KLF9: variants seen among roughly 807,000 people sequenced by gnomAD.
The protein encoded by KLF9 is Krueppel-like factor 9.
KLF9 carries 2 observed loss-of-function variants against 17.3 expected under a neutral mutation model. The observed-to-expected ratio is 0.12, with a 90% confidence interval of 0.05 to 0.36. The LOEUF is 0.36. KLF9 is among the 10% of genes least tolerant of loss of function. The pLI is 1.00. For synonymous variants in KLF9, 138 were observed against 139.2 expected (o/e 0.99, Z 0.06); for missense variants, 226 against 333.2 (o/e 0.68, Z 2.51).
In KLF9 at chr9:70,385,362, T is replaced by C. The variant is rs1469651385; in HGVS notation, c.*2414A>G. The C allele has an allele frequency of 6.6e-6, 1 of 152,662 alleles. No individual in the cohort carries two copies. Among genetic ancestry groups the C allele is most frequent in the Non-Finnish European group, 1.5e-5 (1 of 68,044 alleles). 9.5% of individuals were successfully genotyped at this position (152,662 alleles called of 1,614,324 possible). The stretch of plus-strand genomic sequence containing the variant: ...CTTGAGTTTATACGTTACATTACTA[T>C]AACATATAAGAGAATATCAAATGTG... On this transcript the variant is annotated 3_prime_UTR_variant, in exon 2 of 2. Coordinates refer to ENST00000377126, the MANE Select transcript of KLF9 (RefSeq NM_001206.4).
At chr9:70,409,150 GTATA>G (rs1202894272) in intron 1 of KLF9, among the ~76,000 whole-genome samples, 2 of 49,824 alleles carry the variant, frequency 4.0e-5, no homozygotes, top group Non-Finnish European at 5.6e-5. Flanking sequence ...ATATGTATAT[GTATA>G]TATATACACA....
chr9:70,399,639 C>T (rs926205517), intron 1 of KLF9, among the ~76,000 whole-genome samples: 2 of 152,216 alleles, frequency 1.3e-5, no homozygotes, highest in South Asian at 4.1e-4. Flanking sequence ...CCCAAGGACG[C>T]CCTGCACAAT....
chr9:70,388,747 A>G (rs966157941), intron 1 of KLF9, among the ~76,000 whole-genome samples: 7 of 152,178 alleles, frequency 4.6e-5, no homozygotes, highest in Admixed American at 2.6e-4. Flanking sequence ...GCCACTCAGC[A>G]TCTGGTTGTT....
In KLF9 at chr9:70,387,847, C is replaced by T; in HGVS notation, c.664G>A (p.Ala222Thr). ...GGGTGGAACTCGGTGTGCCGCCGGG[C>T]GTGCTTTGTGAGGTGGTCACTCCTC... ...FMRSDHLTKH[A>T]RRHTEFHPSM... The change falls in exon 2 of 2, where the codon GCC (alanine) becomes ACC (threonine). Residue 222 changes from alanine to threonine, a missense_variant. Physicochemically the swap from Ala to Thr is moderately conservative, Grantham distance 58. Transcript: ENST00000377126. 6.2e-7 allele frequency: 1 copy of T among 1,614,004 alleles called. No homozygotes were observed. The highest frequency in any genetic ancestry group is 8.5e-7 in the Non-Finnish European group (1 of 1,180,002).
chr9:70,389,350 C>T (rs2037137281), intron 1 of KLF9, among the ~76,000 whole-genome samples: 3 of 152,036 alleles, frequency 2.0e-5, no homozygotes, highest in African/African-American at 7.3e-5. Flanking sequence ...TTCACAAGCA[C>T]TCCACAAGGT....
intron 1 of KLF9, 39 bp from the exon 2 acceptor site, chr9:70,388,044 C>A (rs1328177181): frequency 6.4e-7 from 1 of 1,553,190 alleles, no homozygotes; most frequent in African/African-American, 1.4e-5. Context: ...GCTCAAAGAA[C>A]ATGAAAAAAA....
Position 70,387,301 on chromosome 9 carries a change from C to A in KLF9, c.*475G>T, listed in dbSNP as rs1186887385. The A allele has an allele frequency of 6.2e-6, 1 of 160,186 alleles. No homozygotes were observed. The highest frequency in any genetic ancestry group is 2.4e-5 in the African/African-American group (1 of 41,324). 9.9% of individuals were successfully genotyped at this position (160,186 alleles called of 1,614,324 possible). The stretch of plus-strand genomic sequence containing the variant: ...TACATTAAAAGGTAAGAAAACAATT[C>A]TGAGAGACAGCAAGCATAAAGGGCC... On this transcript the variant is annotated 3_prime_UTR_variant, in exon 2 of 2. Coordinates refer to ENST00000377126, the MANE Select transcript of KLF9 (RefSeq NM_001206.4).
chr9:70,411,532 G>A (rs866720217), intron 1 of KLF9, among the ~76,000 whole-genome samples: 1 of 152,168 alleles, frequency 6.6e-6, no homozygotes, highest in Non-Finnish European at 1.5e-5. Flanking sequence ...TAACCATGGA[G>A]GAAATTCAGT....
At chr9:70,403,891 C>T (rs530342192) in intron 1 of KLF9, among the ~76,000 whole-genome samples, 3 of 152,294 alleles carry the variant, frequency 2.0e-5, no homozygotes, top group South Asian at 2.1e-4. Flanking sequence ...AGAGTCAGAA[C>T]AACAAGAGTA....
At chr9:70,390,913 G>A (rs529526496) in intron 1 of KLF9, among the ~76,000 whole-genome samples, 3 of 152,156 alleles carry the variant, frequency 2.0e-5, no homozygotes, top group Admixed American at 1.3e-4. Flanking sequence ...CTCTCTGCTC[G>A]GTCCTTTTTG....
intron 1 of KLF9, among the ~76,000 whole-genome samples, chr9:70,412,173 TAA>T (rs1247444169): frequency 1.2e-5 from 1 of 86,822 alleles, no homozygotes; most frequent in African/African-American, 4.6e-5. Flanking sequence ...GGGTGCGACC[TAA>T]GTCACATGGC....
At position 70,413,407 on chromosome 9, in the gene KLF9, G is replaced by A; in HGVS notation, c.-44C>T. On this transcript the variant is annotated 5_prime_UTR_variant, in exon 1 of 2. Transcript: ENST00000377126. This position sits in a 1 kb window ranked among gnomAD's most constrained non-coding sequence, Gnocchi z 5.6. ...CCAGGCGGCGCGGACAAACTTGGCGGTGGCTGCGGAGGTTCGGCTCGCCCT... is the reference window on the plus strand; with the variant it reads ...CCAGGCGGCGCGGACAAACTTGGCGATGGCTGCGGAGGTTCGGCTCGCCCT... 2.8e-6 allele frequency: 4 copies of A among 1,451,750 alleles called. No homozygotes were observed. The highest frequency in any genetic ancestry group is 3.6e-6 in the Non-Finnish European group (4 of 1,104,916). 89.9% of individuals were successfully genotyped at this position (1,451,750 alleles called of 1,614,324 possible).
intron 1 of KLF9, among the ~76,000 whole-genome samples, chr9:70,405,427 G>A (rs1240303825): frequency 2.0e-5 from 3 of 152,092 alleles, no homozygotes; most frequent in Non-Finnish European, 2.9e-5. Flanking sequence ...GACTCAATCT[G>A]GCCAGTTAAG....
In KLF9 at chr9:70,387,731, T is replaced by G. The variant is rs2037123695; in HGVS notation, c.*45A>C. 1 of 1,557,058 alleles carries G rather than the reference T, an allele frequency of 6.4e-7. No homozygotes were observed. Among genetic ancestry groups the G allele is most frequent in the South Asian group, 1.1e-5 (1 of 89,854 alleles). ...CGCGTCTGTTTCCTGGGAGTACTTT[T>G]CTCCTTTCGGGGTCCATCCCTCCCT... On this transcript the variant is annotated 3_prime_UTR_variant, in exon 2 of 2. Transcript: ENST00000377126.
At position 70,385,427 on chromosome 9, in the gene KLF9, TG is replaced by T. The variant is rs948117863; in HGVS notation, c.*2348del. ...TTGAAAAGGCAAGTAACAACTTTTTTGGGAAGTAAATTGTGCATTTTTTTAA... is the reference window on the plus strand; with the variant it reads ...TTGAAAAGGCAAGTAACAACTTTTTTGGAAGTAAATTGTGCATTTTTTTAA... On this transcript the variant is annotated 3_prime_UTR_variant, in exon 2 of 2. Transcript: ENST00000377126. 3.3e-5 allele frequency: 5 copies of T among 152,686 alleles called. No homozygotes were observed. Among genetic ancestry groups the T allele is most frequent in the African/African-American group, 1.2e-4 (5 of 41,470 alleles). 9.5% of individuals were successfully genotyped at this position (152,686 alleles called of 1,614,324 possible). A position where few individuals can be genotyped will look rare whatever the true frequency, so the allele number is the denominator to read the frequency against.
chr9:70,396,828 C>G (rs2118913158), intron 1 of KLF9, among the ~76,000 whole-genome samples: 1 of 152,152 alleles, frequency 6.6e-6, no homozygotes, highest in African/African-American at 2.4e-5. Context: ...TTTTAAAAGT[C>G]TTACAGAAAA....
chr9:70,393,122 A>G (rs1460082038), intron 1 of KLF9, among the ~76,000 whole-genome samples: 3 of 152,206 alleles, frequency 2.0e-5, no homozygotes, highest in African/African-American at 7.2e-5. Flanking sequence ...TGATCAAAAA[A>G]GCTACTGAAC....
At chr9:70,390,398 A>G (rs1305795865) in intron 1 of KLF9, among the ~76,000 whole-genome samples, 2 of 151,416 alleles carry the variant, frequency 1.3e-5, no homozygotes, top group African/African-American at 2.4e-5. Context: ...GCAAAGAGGA[A>G]AAAAAAAAGA....
chr9:70,386,477 T>C lies in KLF9; in HGVS notation c.*1299A>G, dbSNP rs2037111224. On this transcript the variant is annotated 3_prime_UTR_variant, in exon 2 of 2. Transcript: ENST00000377126. ...CTCCTCTGAAATCATTGTGGTATTT[T>C]CCCTTGGTGTTCACTAGTTATAGGG... The C allele has an allele frequency of 6.5e-6, 1 of 152,696 alleles. No individual in the cohort carries two copies. The highest frequency in any genetic ancestry group is 6.5e-5 in the Admixed American group (1 of 15,290). 9.5% of individuals were successfully genotyped at this position (152,696 alleles called of 1,614,324 possible). A position where few individuals can be genotyped will look rare whatever the true frequency, so the allele number is the denominator to read the frequency against.
Sources: gnomAD v4.1 joint callset for allele counts (sites outside exome capture counted in the v4.1 genomes callset) on GRCh38, gnomAD v4.1.1 for gene constraint, Gnocchi (gnomAD v3.1) non-coding constraint, MANE v1.5 for transcripts, NCBI Gene and HGNC (gene_info 2026-07-23, HGNC 2026-07-21) for gene names.